Variants in LDLRAD3 observed in about 807,000 individuals in gnomAD.
LDLRAD3 encodes low-density lipoprotein receptor class A domain-containing protein 3.
A neutral mutation model predicts 29.4 loss-of-function variants in LDLRAD3; 20 were observed. The observed-to-expected ratio is 0.68, with a 90% CI of 0.48 to 0.99. The LOEUF is 0.99. LDLRAD3 is among the 50% of genes least tolerant of loss of function. LDLRAD3 has a pLI of 0.00. For synonymous variants in LDLRAD3, 157 were observed against 192.7 expected (o/e 0.81, Z 1.53); for missense variants, 420 against 454.3 (o/e 0.92, Z 0.69).
rs78710045 is a variant in LDLRAD3, at chr11:36,188,281, T to C, written c.455-38804T>C. 1.5e-4 allele frequency among the ~76,000 whole-genome samples: 22 copies of C among 147,734 alleles called. No individual in the cohort carries two copies. The East Asian group carries it at 3.5e-3, about 24-fold the overall frequency. ...TTGTAGTTTAAAGTGGTAACTTGAA[T>C]ACTCACATTTACCTCTGTTTCCTTC... On this transcript the variant is annotated intron_variant, in intron 4 of 5. Transcript: ENST00000315571.
chr11:35,960,510 C>A (rs1037529672), intron 1 of LDLRAD3, among the ~76,000 whole-genome samples: 6 of 152,204 alleles, frequency 3.9e-5, no homozygotes, highest in African/African-American at 1.4e-4. Context: ...GCATCTGTTT[C>A]TCCACTTTTC....
At chr11:36,072,571 GA>G (rs766564763) in intron 2 of LDLRAD3, among the ~76,000 whole-genome samples, 30 of 152,208 alleles carry the variant, frequency 2.0e-4, no homozygotes, top group Non-Finnish European at 3.7e-4. Context: ...TGAGGGGTTT[GA>G]TCAGGTATGG....
At chr11:35,972,188 T>A (rs889698593) in intron 1 of LDLRAD3, among the ~76,000 whole-genome samples, 8 of 151,898 alleles carry the variant, frequency 5.3e-5, no homozygotes, top group Non-Finnish European at 7.4e-5. Context: ...CCCCAGAGTT[T>A]CACAGAAACC....
chr11:35,973,697 C>T (rs1414505057), intron 1 of LDLRAD3, among the ~76,000 whole-genome samples: 2 of 152,094 alleles, frequency 1.3e-5, no homozygotes, highest in African/African-American at 4.8e-5. Context: ...TCTCCAACTC[C>T]TGACCTTAGG....
At chr11:35,954,022 A>G (rs183323198) in intron 1 of LDLRAD3, among the ~76,000 whole-genome samples, 34 of 152,340 alleles carry the variant, frequency 2.2e-4, no homozygotes, top group African/African-American at 8.2e-4. Context: ...TATTAATGAA[A>G]GATAGAACTA....
chr11:36,143,156 C>T lies in LDLRAD3; in HGVS notation c.454+44695C>T, dbSNP rs75068327. On this transcript the variant is annotated intron_variant, in intron 4 of 5. Coordinates refer to ENST00000315571, the MANE Select transcript of LDLRAD3 (RefSeq NM_174902.4). ...GTCTCAGTCTGGGAAAGCATTTTGC[C>T]TGGGGTCACCTAGGAGTGATCAGAA... 7.9e-5 allele frequency among the ~76,000 whole-genome samples: 12 copies of T among 152,258 alleles called. No homozygotes were observed. In the East Asian group the frequency reaches 1.2e-3, roughly 15 times the overall value.
At chr11:36,207,527 G>A (rs1388944688) in intron 4 of LDLRAD3, among the ~76,000 whole-genome samples, 1 of 152,104 alleles carries the variant, frequency 6.6e-6, no homozygotes. Flanking sequence ...GCATGCACCT[G>A]GGGTCCCAGC....
intron 1 of LDLRAD3, among the ~76,000 whole-genome samples, chr11:35,945,907 A>G (rs537228287): frequency 7.9e-5 from 12 of 152,204 alleles, no homozygotes; most frequent in Non-Finnish European, 1.6e-4. Flanking sequence ...AATAAATAAA[A>G]TGGTCATAGC....
intron 2 of LDLRAD3, among the ~76,000 whole-genome samples, chr11:36,056,621 A>G (rs4756265): frequency 0.34 from 52,326 of 152,062 alleles, 9,735 homozygotes; most frequent in Middle Eastern, 0.43. Context: ...CATAAAGTGC[A>G]ATACTTTCCC....
intron 2 of LDLRAD3, among the ~76,000 whole-genome samples, chr11:36,046,020 A>G (rs1033607831): frequency 2.6e-5 from 4 of 151,440 alleles, no homozygotes; most frequent in Non-Finnish European, 4.4e-5. Flanking sequence ...GTGTCTATGC[A>G]TACCCATTGT....
chr11:36,215,364 T>A (rs1333068822), intron 4 of LDLRAD3, among the ~76,000 whole-genome samples: 7 of 152,166 alleles, frequency 4.6e-5, no homozygotes, highest in Non-Finnish European at 8.8e-5. Flanking sequence ...AACAGATGAA[T>A]GTTTTTAGAA....
rs138151962 is a variant in LDLRAD3, at chr11:36,056,243, G to A, written c.193+19994G>A. 3.7e-3 allele frequency among the ~76,000 whole-genome samples: 556 copies of A among 152,076 alleles called. 6 individuals carry two copies. Among genetic ancestry groups the A allele is most frequent in the African/African-American group, 0.012 (508 of 41,482 alleles). On this transcript the variant is annotated intron_variant, in intron 2 of 5. Transcript: ENST00000315571. The stretch of plus-strand genomic sequence containing the variant: ...CTCCTGACTTTGTGATCCACCCGCC[G>A]CGGCCTCCCAAAGTGCTGGGTTTAC...
chr11:35,973,468 T>C (rs542797317), intron 1 of LDLRAD3, among the ~76,000 whole-genome samples: 3 of 151,636 alleles, frequency 2.0e-5, no homozygotes, highest in Non-Finnish European at 4.4e-5. Flanking sequence ...GTTTGTTTTG[T>C]TTTTTTTGAG....
intron 2 of LDLRAD3, among the ~76,000 whole-genome samples, chr11:36,076,678 G>T (rs943034223): frequency 6.6e-6 from 1 of 152,168 alleles, no homozygotes; most frequent in African/African-American, 2.4e-5. Flanking sequence ...CAGCCAATAC[G>T]CCTGGCCTAG....
chr11:36,075,259 CT>C (rs1389446996), intron 2 of LDLRAD3, among the ~76,000 whole-genome samples: 1 of 151,174 alleles, frequency 6.6e-6, no homozygotes, highest in Non-Finnish European at 1.5e-5. Context: ...TGGAAGAATC[CT>C]TGTGAAAGCT....
chr11:35,956,909 G>T (rs1424012825), intron 1 of LDLRAD3, among the ~76,000 whole-genome samples: 3 of 152,016 alleles, frequency 2.0e-5, no homozygotes, highest in African/African-American at 7.3e-5. Context: ...CTAATTTTTT[G>T]TATTTTCAGT....
intron 1 of LDLRAD3, among the ~76,000 whole-genome samples, chr11:35,951,617 A>G (rs1354628762): frequency 6.6e-6 from 1 of 152,216 alleles, no homozygotes; most frequent in Non-Finnish European, 1.5e-5. Context: ...AAAATATGGA[A>G]TTATGGTAAT....
chr11:35,995,069 C>T (rs181385065), intron 1 of LDLRAD3, among the ~76,000 whole-genome samples: 21 of 152,328 alleles, frequency 1.4e-4, no homozygotes, highest in Admixed American at 2.6e-4. Flanking sequence ...TGACCTCCCA[C>T]GAATCACAGA....
chr11:35,977,137 T>G (rs1590700029), intron 1 of LDLRAD3, among the ~76,000 whole-genome samples: 1 of 152,170 alleles, frequency 6.6e-6, no homozygotes, highest in South Asian at 2.1e-4. Context: ...GCTAGCTCCA[T>G]GCTATCAGGG....
Sources: allele counts gnomAD v4.1 joint callset (sites outside exome capture counted in the v4.1 genomes callset), GRCh38; gene constraint gnomAD v4.1.1; transcripts MANE v1.5; gene names NCBI Gene and HGNC (gene_info 2026-07-23, HGNC 2026-07-21).